Variants in PFDN1 observed in about 807,000 individuals in gnomAD.
The protein encoded by PFDN1 is prefoldin subunit 1, also known as prefoldin 1.
In PFDN1, 6 loss-of-function variants were observed where a neutral mutation model predicts 17.3. The ratio of observed to expected loss-of-function variants is 0.35; its 90% CI spans 0.19 to 0.69. The LOEUF is 0.69. Among genes scored for constraint, PFDN1 ranks in the 30% least tolerant of loss-of-function variants. The pLI is 0.65. For synonymous variants in PFDN1, 58 were observed against 50.1 expected (o/e 1.16, Z -0.67); for missense variants, 113 against 146.2 (o/e 0.77, Z 1.17).
intron 1 of PFDN1, among the ~76,000 whole-genome samples, chr5:140,301,963 C>T (rs1436801830): frequency 6.6e-6 from 1 of 152,162 alleles, no homozygotes; most frequent in Non-Finnish European, 1.5e-5. Context: ...GCTAAATTTA[C>T]AAGATTCAAG....
At chr5:140,290,404 C>T (rs1433264925) in intron 2 of PFDN1, among the ~76,000 whole-genome samples, 2 of 152,138 alleles carry the variant, frequency 1.3e-5, no homozygotes, top group Non-Finnish European at 2.9e-5. Context: ...TGTAGCCAAG[C>T]TGATGACAAA....
At chr5:140,287,740 C>T in intron 2 of PFDN1, among the ~76,000 whole-genome samples, 1 of 150,994 alleles carries the variant, frequency 6.6e-6, no homozygotes, top group South Asian at 2.2e-4. Context: ...TAAAATTCAA[C>T]AATAAGAAAA....
intron 2 of PFDN1, among the ~76,000 whole-genome samples, chr5:140,296,127 G>T (rs1289160880): frequency 6.6e-6 from 1 of 152,028 alleles, no homozygotes. Context: ...TAATTTTTTT[G>T]ACCTTAGTCA....
At chr5:140,295,581 A>T (rs553307984) in intron 2 of PFDN1, among the ~76,000 whole-genome samples, 1 of 152,174 alleles carries the variant, frequency 6.6e-6, no homozygotes, top group Non-Finnish European at 1.5e-5. Flanking sequence ...ATCAGGCTAC[A>T]TAACAGCCTC....
chr5:140,271,295 G>A (rs1379604122), intron 3 of PFDN1, among the ~76,000 whole-genome samples: 6 of 152,104 alleles, frequency 3.9e-5, no homozygotes, highest in South Asian at 2.1e-4. Context: ...CTAAATAACC[G>A]AAAACTATTT....
intron 3 of PFDN1, among the ~76,000 whole-genome samples, chr5:140,264,074 A>AATG (rs1481881885): frequency 6.8e-6 from 1 of 146,830 alleles, no homozygotes; most frequent in Non-Finnish European, 1.5e-5. Flanking sequence ...GGTAGAAGGC[A>AATG]ATGGGGAGCC....
chr5:140,260,077 C>T (rs75577548), intron 3 of PFDN1, among the ~76,000 whole-genome samples: 1,975 of 152,240 alleles, frequency 0.013, 43 homozygotes, highest in African/African-American at 0.042. Context: ...GTGTTGCACA[C>T]CTGTAATCCC....
intron 2 of PFDN1, among the ~76,000 whole-genome samples, chr5:140,298,256 T>C (rs1765682525): frequency 6.6e-6 from 1 of 152,152 alleles, no homozygotes; most frequent in African/African-American, 2.4e-5. Context: ...TAGTCAGTGA[T>C]GAGCAGGTCT....
At chr5:140,249,104 C>T (rs1435727335) in intron 3 of PFDN1, among the ~76,000 whole-genome samples, 1 of 152,210 alleles carries the variant, frequency 6.6e-6, no homozygotes, top group Admixed American at 6.5e-5. Flanking sequence ...CATATTTAAG[C>T]CCAGAAGACT....
chr5:140,289,578 A>G (rs972180737), intron 2 of PFDN1, among the ~76,000 whole-genome samples: 1 of 152,108 alleles, frequency 6.6e-6, no homozygotes, highest in Non-Finnish European at 1.5e-5. Flanking sequence ...CTGCTAAACA[A>G]TCTCTACCCA....
chr5:140,275,172 G>A, intron 3 of PFDN1, among the ~76,000 whole-genome samples: 1 of 152,064 alleles, frequency 6.6e-6, no homozygotes, highest in East Asian at 1.9e-4. Context: ...ACTTTGGGAG[G>A]CCAAGGCAGG....
chr5:140,285,647 A>G (rs1412841703), intron 2 of PFDN1, among the ~76,000 whole-genome samples: 1 of 151,864 alleles, frequency 6.6e-6, no homozygotes, highest in East Asian at 1.9e-4. Context: ...GAAACAAAGG[A>G]AAAAAAAATT....
chr5:140,265,149 G>A (rs1273128523), intron 3 of PFDN1, among the ~76,000 whole-genome samples: 3 of 152,046 alleles, frequency 2.0e-5, no homozygotes, highest in Admixed American at 6.5e-5. Flanking sequence ...GAGCACTTGC[G>A]ACTCAGGTCT....
At chr5:140,293,736 A>G (rs896323253) in intron 2 of PFDN1, among the ~76,000 whole-genome samples, 2 of 152,070 alleles carry the variant, frequency 1.3e-5, no homozygotes, top group Non-Finnish European at 2.9e-5. Flanking sequence ...AATGAACATC[A>G]AGTTTTTAAA....
At chr5:140,256,481 G>A (rs983690638) in intron 3 of PFDN1, among the ~76,000 whole-genome samples, 1 of 151,710 alleles carries the variant, frequency 6.6e-6, no homozygotes, top group African/African-American at 2.4e-5. Flanking sequence ...CTTAATTCCA[G>A]ATTTAACATA....
chr5:140,287,218 G>T (rs1765510575), intron 2 of PFDN1, among the ~76,000 whole-genome samples: 2 of 152,222 alleles, frequency 1.3e-5, no homozygotes, highest in South Asian at 4.1e-4. Context: ...GATGGTAGGA[G>T]CCGGGTTTCT....
intron 3 of PFDN1, among the ~76,000 whole-genome samples, chr5:140,278,123 G>A (rs895866379): frequency 5.3e-5 from 8 of 151,906 alleles, no homozygotes; most frequent in African/African-American, 9.7e-5. Context: ...CAGAAGAATC[G>A]CTTGAACCCA....
chr5:140,250,073 T>C (rs1250881897), intron 3 of PFDN1, among the ~76,000 whole-genome samples: 1 of 152,188 alleles, frequency 6.6e-6, no homozygotes, highest in Admixed American at 6.5e-5. Flanking sequence ...TAAAGGGCTC[T>C]GCCCTCATGA....
chr5:140,302,180 T>C (rs1236662163), intron 1 of PFDN1, among the ~76,000 whole-genome samples: 3 of 152,248 alleles, frequency 2.0e-5, no homozygotes, highest in African/African-American at 2.4e-5. Context: ...TACTGGATTC[T>C]AGTCCCAACT....
Sources: allele counts gnomAD v4.1 joint callset (sites outside exome capture counted in the v4.1 genomes callset), GRCh38; gene constraint gnomAD v4.1.1; transcripts MANE v1.5; gene names NCBI Gene and HGNC (gene_info 2026-07-23, HGNC 2026-07-21).